The following ACSL5 variants were observed in gnomAD, a reference collection of about 807,000 sequenced individuals.
The protein encoded by ACSL5 is acyl-CoA synthetase long chain family member 5, also known as long-chain-fatty-acid--CoA ligase 5.
Under a neutral mutation model 84.9 loss-of-function variants are expected in ACSL5, and 50 were observed. The observed-to-expected ratio is 0.59, with a 90% CI of 0.47 to 0.75. The LOEUF (loss-of-function observed/expected upper bound fraction) is 0.75. Among genes scored for constraint, ACSL5 ranks in the 30% least tolerant of loss-of-function variants. ACSL5 has a pLI of 0.00. For missense variants in ACSL5, 775 were observed against 830.4 expected (o/e 0.93, Z 0.82); for synonymous variants, 280 against 300.7 (o/e 0.93, Z 0.71).
intron 1 of ACSL5, among the ~76,000 whole-genome samples, chr10:112,393,659 G>A (rs1243804223): frequency 6.6e-6 from 1 of 152,190 alleles, no homozygotes; most frequent in African/African-American, 2.4e-5. Flanking sequence ...CTGAGCTATT[G>A]TTTCATCAGG....
intron 2 of ACSL5, chr10:112,395,887 T>G (rs1427336019): frequency 6.6e-6 from 1 of 152,332 alleles, no homozygotes; most frequent in Non-Finnish European, 1.5e-5. Flanking sequence ...AAGCTACCTC[T>G]ACTCTCCAGC....
In ACSL5 at chr10:112,415,784, A is replaced by G. The variant is rs534400849; in HGVS notation, c.1084-1104A>G. On this transcript the variant is annotated intron_variant, in intron 12 of 20. Transcript: ENST00000354655. The stretch of plus-strand genomic sequence containing the variant: ...AGAGGGATTCTTCAAATTTTGAACA[A>G]GAAAAAAGACTTCAATTGCCTTGAA... Among the ~76,000 whole-genome samples the G allele has an allele frequency of 2.6e-5, 4 of 152,358 alleles. No individual in the cohort carries two copies. The South Asian group carries it at 6.2e-4, about 24-fold the overall frequency.
chr10:112,412,888 T>C (rs1564740573), intron 11 of ACSL5, among the ~76,000 whole-genome samples: 1 of 152,000 alleles, frequency 6.6e-6, no homozygotes, highest in Non-Finnish European at 1.5e-5. Context: ...TGGTGGAGTC[T>C]GGGGGACCAC....
chr10:112,409,801 GTAGAT>G, intron 7 of ACSL5, 116 bp downstream of exon 7: 1 of 1,008,750 alleles, frequency 9.9e-7, no homozygotes, highest in South Asian at 1.5e-5. Flanking sequence ...CACGTGAGGA[GTAGAT>G]TAGACTCATG....
chr10:112,415,749 A>C (rs1206732637), intron 12 of ACSL5, among the ~76,000 whole-genome samples: 1 of 152,266 alleles, frequency 6.6e-6, no homozygotes, highest in Non-Finnish European at 1.5e-5. Context: ...TAAACATGGA[A>C]GATGGATGGA....
At chr10:112,378,777 GTCTGTACA>G (rs1849292791) in intron 1 of ACSL5, among the ~76,000 whole-genome samples, 1 of 152,126 alleles carries the variant, frequency 6.6e-6, no homozygotes, top group Non-Finnish European at 1.5e-5. Context: ...TCCCCTCTAT[GTCTGTACA>G]TCCTGAGGTC....
At chr10:112,417,780 T>C (rs1455184145) in intron 13 of ACSL5, 66 bp from the exon 14 acceptor site, 1 of 1,319,876 alleles carries the variant, frequency 7.6e-7, no homozygotes, top group Non-Finnish European at 1.1e-6. Context: ...TTATACCCAC[T>C]CTACAGTGGA....
chr10:112,424,706 G>A (rs948004007), intron 17 of ACSL5: 9 of 152,290 alleles, frequency 5.9e-5, no homozygotes, highest in African/African-American at 2.2e-4. Context: ...GATTTTATTT[G>A]CCATTTGTCC....
At chr10:112,382,343 GTTGCC>G (rs1849366580) in intron 1 of ACSL5, among the ~76,000 whole-genome samples, 2 of 152,224 alleles carry the variant, frequency 1.3e-5, no homozygotes, top group African/African-American at 4.8e-5. Flanking sequence ...CTCCTCGCTA[GTTGCC>G]TTTCTCTCAA....
chr10:112,395,423 G>A (rs1358482058), intron 2 of ACSL5, among the ~76,000 whole-genome samples: 1 of 152,100 alleles, frequency 6.6e-6, no homozygotes, highest in Non-Finnish European at 1.5e-5. Flanking sequence ...AACAAAAATG[G>A]GAAAGATGAG....
chr10:112,387,605 C>G (rs1037538924), intron 1 of ACSL5, among the ~76,000 whole-genome samples: 1 of 152,132 alleles, frequency 6.6e-6, no homozygotes, highest in South Asian at 2.1e-4. Flanking sequence ...TATACAGCCT[C>G]GTAAATAACA....
chr10:112,391,797 G>A (rs1318196573), intron 1 of ACSL5, among the ~76,000 whole-genome samples: 1 of 152,084 alleles, frequency 6.6e-6, no homozygotes, highest in African/African-American at 2.4e-5. Context: ...TCTAGGGAGG[G>A]GGCAGAATTC....
chr10:112,390,927 A>C (rs1349364792), intron 1 of ACSL5, among the ~76,000 whole-genome samples: 1 of 152,200 alleles, frequency 6.6e-6, no homozygotes, highest in Non-Finnish European at 1.5e-5. Flanking sequence ...AGGGTTTGTT[A>C]ATGGGTTCAG....
chr10:112,390,485 A>C (rs1185228107), intron 1 of ACSL5, among the ~76,000 whole-genome samples: 1 of 152,222 alleles, frequency 6.6e-6, no homozygotes, highest in African/African-American at 2.4e-5. Flanking sequence ...GTTCCGCAAA[A>C]AGTTAAATAT....
intron 20 of ACSL5, 46 bp from the exon 21 acceptor site, chr10:112,427,172 G>C: frequency 1.3e-6 from 2 of 1,572,660 alleles, no homozygotes; most frequent in East Asian, 4.5e-5. Context: ...CTGCAGAGAA[G>C]TCCAAATCAC....
intron 3 of ACSL5, among the ~76,000 whole-genome samples, chr10:112,403,838 C>T (rs1843964506): frequency 6.6e-6 from 1 of 152,086 alleles, no homozygotes; most frequent in Non-Finnish European, 1.5e-5. Context: ...AGCTTGAAAA[C>T]AATCTAAATA....
chr10:112,415,396 T>C (rs1339468519), intron 12 of ACSL5, among the ~76,000 whole-genome samples: 2 of 152,322 alleles, frequency 1.3e-5, no homozygotes, highest in East Asian at 3.9e-4. Context: ...AGACGGGTTT[T>C]CACCGTGTTA....
Position 112,411,823 on chromosome 10 carries a change from G to A in ACSL5, c.871-79G>A, listed in dbSNP as rs974439455. ...CTGTCTGTGGTAGTCCTGGGAGGAG[G>A]TAGTTTTAAAATCTCCATTGGAATT... On this transcript the variant is annotated intron_variant, in intron 10 of 20. Transcript: ENST00000354655. 11 of 1,336,470 alleles carry A rather than the reference G, an allele frequency of 8.2e-6. No individual in the cohort carries two copies. In the African/African-American group the frequency reaches 1.2e-4, roughly 14 times the overall value. 82.8% of individuals were successfully genotyped at this position (1,336,470 alleles called of 1,614,324 possible). A position where few individuals can be genotyped will look rare whatever the true frequency, so the allele number is the denominator to read the frequency against.
intron 10 of ACSL5, 63 bp from the exon 11 acceptor site, chr10:112,411,839 C>T: frequency 6.8e-7 from 1 of 1,467,104 alleles, no homozygotes; most frequent in African/African-American, 1.4e-5. Flanking sequence ...TTAAAATCTC[C>T]ATTGGAATTG....
Sources: gnomAD v4.1 joint callset for allele counts (sites outside exome capture counted in the v4.1 genomes callset) on GRCh38, gnomAD v4.1.1 for gene constraint, MANE v1.5 for transcripts, NCBI Gene and HGNC (gene_info 2026-07-23, HGNC 2026-07-21) for gene names.